The following DUS2 variants were observed in gnomAD, a reference collection of about 807,000 sequenced individuals.
The protein encoded by DUS2 is tRNA-dihydrouridine(20) synthase [NAD(P)+]-like.
A neutral mutation model predicts 71.3 loss-of-function variants in DUS2; 52 were observed. That is an observed-to-expected ratio of 0.73 (90% confidence interval 0.58 to 0.92). The LOEUF (loss-of-function observed/expected upper bound fraction) is 0.92. DUS2 is among the 40% of genes least tolerant of loss of function. The pLI, the probability that DUS2 is intolerant of heterozygous loss-of-function variation, is 0.00. For synonymous variants in DUS2, 204 were observed against 227.8 expected, an observed-to-expected ratio of 0.90 and a Z score of 0.94; for missense variants, 558 against 622.6, an observed-to-expected ratio of 0.90 and a Z score of 1.10.
chr16:68,025,931 A>G (rs1411917262), intron 2 of DUS2, among the ~76,000 whole-genome samples: 1 of 152,186 alleles, frequency 6.6e-6, no homozygotes. Flanking sequence ...TGTGCCAGGC[A>G]TTGGTAGTGA....
At chr16:68,061,591 A>G (rs1197413013) in intron 8 of DUS2, among the ~76,000 whole-genome samples, 1 of 152,192 alleles carries the variant, frequency 6.6e-6, no homozygotes, top group Non-Finnish European at 1.5e-5. Flanking sequence ...AGCCCGGGCC[A>G]GGGTCAGAGG....
At chr16:68,025,016 G>A (rs2033326042) in intron 1 of DUS2, among the ~76,000 whole-genome samples, 1 of 151,952 alleles carries the variant, frequency 6.6e-6, no homozygotes, top group Admixed American at 6.6e-5. Flanking sequence ...ATTTTTAATA[G>A]AGACAGGGTT....
Position 68,031,199 on chromosome 16 carries a change from C to T in DUS2, c.-19+5705C>T, listed in dbSNP as rs759143951. 4.6e-5 allele frequency among the ~76,000 whole-genome samples: 7 copies of T among 152,064 alleles called. No individual in the cohort carries two copies. In the East Asian group the frequency reaches 5.8e-4, roughly 13 times the overall value. On this transcript the variant is annotated intron_variant, in intron 2 of 16. Transcript: ENST00000565263. ...TTTTTTCTTTTTTGGAGATGAGTCTCGCTCTGTCACCAGGCTGGAATGCAG... is the reference window on the plus strand; with the variant it reads ...TTTTTTCTTTTTTGGAGATGAGTCTTGCTCTGTCACCAGGCTGGAATGCAG...
At chr16:68,024,810 A>G (rs555414153) in intron 1 of DUS2, among the ~76,000 whole-genome samples, 78 of 150,684 alleles carry the variant, frequency 5.2e-4, no homozygotes, top group African/African-American at 1.3e-3. Flanking sequence ...CCCTCCCACC[A>G]TATTTGACAA....
intron 10 of DUS2, 134 bp downstream of exon 10, chr16:68,066,770 T>C (rs770209881): frequency 1.5e-4 from 128 of 858,844 alleles, no homozygotes; most frequent in Non-Finnish European, 2.2e-4. Context: ...CCTAGCTCTT[T>C]GATATCTTAT....
intron 3 of DUS2, among the ~76,000 whole-genome samples, chr16:68,046,750 AT>A (rs548162410): frequency 1.4e-3 from 202 of 142,866 alleles, no homozygotes; most frequent in Admixed American, 1.3e-3. Flanking sequence ...TCTCATTCTG[AT>A]TTTTTTTTTT....
chr16:68,074,190 T>C, intron 13 of DUS2, 35 bp downstream of exon 13: 2 of 1,612,714 alleles, frequency 1.2e-6, no homozygotes, highest in Non-Finnish European at 1.7e-6. Context: ...TCTGTCCTTG[T>C]ACGCATTGCC....
chr16:68,043,817 C>G (rs1396090517), intron 3 of DUS2, among the ~76,000 whole-genome samples: 1 of 152,064 alleles, frequency 6.6e-6, no homozygotes, highest in Non-Finnish European at 1.5e-5. Flanking sequence ...GGTGCATGCC[C>G]CCATGCCTGC....
chr16:68,031,195 G>A (rs563540058), intron 2 of DUS2, among the ~76,000 whole-genome samples: 1 of 152,132 alleles, frequency 6.6e-6, no homozygotes, highest in South Asian at 2.1e-4. Context: ...TTGGAGATGA[G>A]TCTCGCTCTG....
At chr16:68,038,265 T>G (rs1703345020) in intron 3 of DUS2, 116 bp downstream of exon 3, 1 of 1,416,610 alleles carries the variant, frequency 7.1e-7, no homozygotes, top group Admixed American at 2.4e-5. Flanking sequence ...TTTATAGGTG[T>G]TCACCAAAGG....
At chr16:68,034,532 T>A (rs956702664) in intron 2 of DUS2, among the ~76,000 whole-genome samples, 3 of 152,186 alleles carry the variant, frequency 2.0e-5, no homozygotes, top group Non-Finnish European at 4.4e-5. Flanking sequence ...TTATTTATTT[T>A]TTTATTATTT....
In DUS2 at chr16:68,054,524, A is replaced by G. The variant is rs374578995; in HGVS notation, c.265-50A>G. On this transcript the variant is annotated intron_variant, in intron 5 of 16. Transcript: ENST00000565263. ...GCTGCATGGGTGTGTTTGTCAGTGC[A>G]TGTGTATCTGTGTCAGGGCAGTGGT... The G allele has an allele frequency of 1.1e-5, 17 of 1,606,322 alleles. No individual in the cohort carries two copies. In the African/African-American group the frequency reaches 2.0e-4, roughly 19 times the overall value.
intron 7 of DUS2, among the ~76,000 whole-genome samples, chr16:68,058,276 G>A (rs992978387): frequency 2.6e-5 from 4 of 151,228 alleles, no homozygotes; most frequent in Admixed American, 6.6e-5. Context: ...GCAGGCTGGA[G>A]TGTAGCAGTG....
intron 2 of DUS2, among the ~76,000 whole-genome samples, chr16:68,030,171 A>G (rs945914519): frequency 6.6e-6 from 1 of 152,122 alleles, no homozygotes; most frequent in Non-Finnish European, 1.5e-5. Context: ...ACTATAATTA[A>G]TGGGATTATG....
intron 11 of DUS2, 144 bp from the exon 12 acceptor site, chr16:68,070,796 T>C: frequency 4.0e-6 from 3 of 757,006 alleles, no homozygotes; most frequent in Non-Finnish European, 6.5e-6. Context: ...GATTCTAATA[T>C]CCACTTTACT....
At chr16:68,058,940 G>A (rs973141601) in intron 7 of DUS2, among the ~76,000 whole-genome samples, 3 of 152,208 alleles carry the variant, frequency 2.0e-5, no homozygotes. Flanking sequence ...GGCTGGGCTT[G>A]GTGGCCGATG....
chr16:68,058,709 T>G (rs574724396), intron 7 of DUS2, among the ~76,000 whole-genome samples: 1 of 152,210 alleles, frequency 6.6e-6, no homozygotes. Flanking sequence ...ACTAGTAACA[T>G]TGATTTCCTC....
At chr16:68,030,834 A>G (rs746554943) in intron 2 of DUS2, among the ~76,000 whole-genome samples, 13 of 151,846 alleles carry the variant, frequency 8.6e-5, no homozygotes, top group South Asian at 2.1e-4. Flanking sequence ...TGGACTCCCA[A>G]TGATTCTTCT....
chr16:68,058,591 C>G (rs1442100744), intron 7 of DUS2, among the ~76,000 whole-genome samples: 1 of 152,046 alleles, frequency 6.6e-6, no homozygotes, highest in African/African-American at 2.4e-5. Context: ...TTAAAATGAT[C>G]TGGAGGCAGG....
Sources: gnomAD v4.1 joint callset for allele counts (sites outside exome capture counted in the v4.1 genomes callset) on GRCh38, gnomAD v4.1.1 for gene constraint, MANE v1.5 for transcripts, NCBI Gene and HGNC (gene_info 2026-07-23, HGNC 2026-07-21) for gene names.